SPECC1: variants seen among roughly 807,000 people sequenced by gnomAD.
SPECC1 encodes the protein cytospin-B.
SPECC1 carries 62 observed loss-of-function variants against 104.1 expected under a neutral mutation model. The ratio of observed to expected loss-of-function variants is 0.60; its 90% confidence interval spans 0.49 to 0.74. The LOEUF is 0.74. SPECC1 is among the 30% of genes least tolerant of loss of function. The pLI, the probability that SPECC1 is intolerant of heterozygous loss-of-function variation, is 0.00. For synonymous variants in SPECC1, 513 were observed against 501.6 expected, an observed-to-expected ratio of 1.02 and a Z score of -0.30; for missense variants, 1,306 against 1,310.5, an observed-to-expected ratio of 1.00 and a Z score of 0.05.
intron 1 of SPECC1, among the ~76,000 whole-genome samples, chr17:20,043,102 G>C (rs1167168961): frequency 1.3e-5 from 2 of 152,178 alleles, no homozygotes; most frequent in African/African-American, 2.4e-5. Flanking sequence ...CAAGCAAGTT[G>C]TCTGGTGGAG....
chr17:20,230,605 G>GTGTA (rs1475816696), intron 5 of SPECC1, among the ~76,000 whole-genome samples: 2 of 152,214 alleles, frequency 1.3e-5, no homozygotes, highest in African/African-American at 4.8e-5. Context: ...AAGAAAACCA[G>GTGTA]TGTATAATTA....
At chr17:20,060,175 C>T (rs574292314) in intron 1 of SPECC1, among the ~76,000 whole-genome samples, 14 of 152,122 alleles carry the variant, frequency 9.2e-5, no homozygotes, top group African/African-American at 2.9e-4. Context: ...CTTTCAATGA[C>T]GCCTCTATAG....
intron 5 of SPECC1, among the ~76,000 whole-genome samples, chr17:20,231,077 T>G (rs1369997129): frequency 6.6e-6 from 1 of 152,170 alleles, no homozygotes; most frequent in Non-Finnish European, 1.5e-5. Flanking sequence ...TGAATGACTC[T>G]GATAGCCAGA....
rs987589828 is a variant in SPECC1 at position 20,067,704 on chromosome 17, A to G, written c.-21-28927A>G. 3.9e-5 allele frequency among the ~76,000 whole-genome samples: 6 copies of G among 152,072 alleles called. No individual in the cohort carries two copies. The South Asian group carries it at 1.2e-3, about 31-fold the overall frequency. On this transcript the variant is annotated intron_variant, in intron 1 of 14. Transcript: ENST00000395527. ...TATATATCATATTTCTATAGAGATA[A>G]CATGTATTCACTTATATTCACTGCC...
At chr17:20,239,318 A>G in intron 7 of SPECC1, 1 of 1,007,706 alleles carries the variant, frequency 9.9e-7, no homozygotes, top group Non-Finnish European at 1.2e-6. Flanking sequence ...CTCCCTCAGT[A>G]CCACCTGTGA....
intron 3 of SPECC1, among the ~76,000 whole-genome samples, chr17:20,186,057 C>T (rs1277514973): frequency 3.9e-5 from 6 of 152,108 alleles, no homozygotes; most frequent in Non-Finnish European, 8.8e-5. Context: ...AGGCTGGTCT[C>T]GAACTCCTGA....
At chr17:20,016,554 C>T (rs1488779239) in intron 1 of SPECC1, among the ~76,000 whole-genome samples, 1 of 152,190 alleles carries the variant, frequency 6.6e-6, no homozygotes, top group Non-Finnish European at 1.5e-5. Flanking sequence ...GGGCCCCGCA[C>T]TGGGAGCGGC....
chr17:20,311,027 G>A (rs77638333), intron 14 of SPECC1, among the ~76,000 whole-genome samples: 5,682 of 151,794 alleles, frequency 0.037, 349 homozygotes, highest in African/African-American at 0.13. Context: ...CAGCTCCAGA[G>A]CGCATGCCGT....
chr17:20,254,351 C>T (rs909814344), intron 10 of SPECC1, among the ~76,000 whole-genome samples: 9 of 152,146 alleles, frequency 5.9e-5, no homozygotes, highest in African/African-American at 2.2e-4. Context: ...TGCTGCTCAG[C>T]CTGGCTTTGG....
chr17:20,112,161 T>A (rs1330559445), intron 3 of SPECC1: 1 of 763,128 alleles, frequency 1.3e-6, no homozygotes, highest in Non-Finnish European at 2.4e-6. Context: ...AAGAACCTGA[T>A]AGTATGCTGG....
At chr17:20,206,515 C>G (rs2036791379) in intron 4 of SPECC1, among the ~76,000 whole-genome samples, 2 of 152,052 alleles carry the variant, frequency 1.3e-5, no homozygotes, top group African/African-American at 4.8e-5. Context: ...AATATTAAAA[C>G]TTTTCTCAGC....
In SPECC1 at chr17:20,257,556, C is replaced by T. The variant is rs201897729; in HGVS notation, c.2786C>T (p.Thr929Ile). ...SRPPSLGFGD[T>I]RLLSASTRAW... is the part of the protein sequence containing the mutation. ...CCCCCGTCTCTGGGCTTTGGGGACA[C>T]AAGACTGCTGAGTGCTTCCACCCGG... Residue 929 changes from threonine (T) to isoleucine (I), a missense_variant, in exon 11 of 15, where the codon ACA becomes ATA. Physicochemically the swap from Thr to Ile is moderately conservative, Grantham distance 89. Coordinates refer to ENST00000395527, the MANE Select transcript of SPECC1 (RefSeq NM_001243439.2). 1 of 1,613,526 alleles carries T rather than the reference C, an allele frequency of 6.2e-7. No individual in the cohort carries two copies. Among genetic ancestry groups the T allele is most frequent in the East Asian group, 2.2e-5 (1 of 44,848 alleles).
At chr17:20,234,026 T>C (rs1217161436) in intron 7 of SPECC1, among the ~76,000 whole-genome samples, 1 of 152,216 alleles carries the variant, frequency 6.6e-6, no homozygotes, top group Non-Finnish European at 1.5e-5. Flanking sequence ...TTCTATGAGA[T>C]GCCATGTTTC....
At chr17:20,313,004 T>C (rs2041971990) in intron 14 of SPECC1, among the ~76,000 whole-genome samples, 1 of 152,190 alleles carries the variant, frequency 6.6e-6, no homozygotes, top group Non-Finnish European at 1.5e-5. Context: ...TTTCCTACTA[T>C]TCTCTTTTAA....
intron 4 of SPECC1, among the ~76,000 whole-genome samples, chr17:20,214,942 C>T (rs1422333905): frequency 2.0e-5 from 3 of 152,198 alleles, no homozygotes; most frequent in African/African-American, 4.8e-5. Flanking sequence ...ATTGAATGTG[C>T]GGTTGTGCTG....
chr17:20,112,002 A>G (rs1420900282), intron 3 of SPECC1: 1 of 779,962 alleles, frequency 1.3e-6, no homozygotes, highest in Non-Finnish European at 2.4e-6. Context: ...AGGGATGATG[A>G]TGTTTTGTTT....
In SPECC1 at chr17:20,056,796, T is replaced by C. The variant is rs566446740; in HGVS notation, c.-21-39835T>C. On this transcript the variant is annotated intron_variant, in intron 1 of 14. Coordinates refer to ENST00000395527, the MANE Select transcript of SPECC1 (RefSeq NM_001243439.2). ...AATAGTATGGGTAGAAGTTATGTTT[T>C]ATCTTGAAATAAAATCCTCTGAAGA... Among the ~76,000 whole-genome samples, 10 of 152,360 alleles carry C rather than the reference T, an allele frequency of 6.6e-5. No individual in the cohort carries two copies. In the South Asian group the frequency reaches 2.1e-3, roughly 32 times the overall value.
At chr17:20,035,888 G>A (rs761214619) in intron 1 of SPECC1, among the ~76,000 whole-genome samples, 31 of 151,632 alleles carry the variant, frequency 2.0e-4, no homozygotes, top group Non-Finnish European at 5.9e-5. Context: ...GCTGGAGTGC[G>A]GTGGCTCAAC....
intron 13 of SPECC1, among the ~76,000 whole-genome samples, chr17:20,304,611 A>G (rs2041703111): frequency 6.6e-6 from 1 of 152,134 alleles, no homozygotes; most frequent in African/African-American, 2.4e-5. Context: ...ACGTGATGGT[A>G]GAAAGGAGAA....
Sources: allele counts gnomAD v4.1 joint callset (sites outside exome capture counted in the v4.1 genomes callset), GRCh38; gene constraint gnomAD v4.1.1; transcripts MANE v1.5; gene names NCBI Gene and HGNC (gene_info 2026-07-23, HGNC 2026-07-21).